TNFAIP6: variants seen among roughly 807,000 people sequenced by gnomAD.
TNFAIP6 encodes the protein tumor necrosis factor-inducible gene 6 protein.
A neutral mutation model predicts 33.7 loss-of-function variants in TNFAIP6; 36 were observed. The ratio of observed to expected loss-of-function variants is 1.07; its 90% CI spans 0.82 to 1.41. The LOEUF is 1.41. Ranked by LOEUF, TNFAIP6 falls within the 40% of genes most tolerant of loss-of-function variation. TNFAIP6 has a pLI of 0.00. For synonymous variants in TNFAIP6, 113 were observed against 112.8 expected, an observed-to-expected ratio of 1.00 and a Z score of -0.01; for missense variants, 273 against 331.9, an observed-to-expected ratio of 0.82 and a Z score of 1.38.
At chr2:151,380,583 C>A (rs1382237963), downstream of TNFAIP6, among the ~76,000 whole-genome samples, 2 of 152,130 alleles carry the variant, frequency 1.3e-5, no homozygotes, top group Non-Finnish European at 2.9e-5. Flanking sequence ...ATGAGCTGAG[C>A]AGAGGACGTT....
rs1684851210 is a variant in TNFAIP6 at position 151,373,559 on chromosome 2, GATGAGCTTCCAGATGACATC to G, written c.637_656del (p.Glu213GlnfsTer13). On this transcript the variant is annotated frameshift_variant, in exon 5 of 6. Coordinates refer to ENST00000243347, the MANE Select transcript of TNFAIP6 (RefSeq NM_007115.4). LOFTEE classifies it high-confidence loss of function. ...AAAATTCCTTTTCAGATACTGTGGA[GATGAGCTTCCAGATGACATC>G]ATCAGTACAGGTAAGGTTTTAAATT... is the stretch of plus-strand genomic sequence containing the variant. The G allele has an allele frequency of 6.4e-7, 1 of 1,552,132 alleles. No individual in the cohort carries two copies.
At chr2:151,368,968 C>G (rs1052106975) in intron 3 of TNFAIP6, among the ~76,000 whole-genome samples, 1 of 152,096 alleles carries the variant, frequency 6.6e-6, no homozygotes, top group Non-Finnish European at 1.5e-5. Flanking sequence ...TGAGGTGGGT[C>G]GATCACCAGA....
intron 5 of TNFAIP6, among the ~76,000 whole-genome samples, chr2:151,376,993 A>G (rs1174644026): frequency 1.4e-5 from 2 of 147,864 alleles, no homozygotes; most frequent in Admixed American, 1.4e-4. Context: ...TTTCCCGCAC[A>G]AGGCTAATTT....
At chr2:151,371,395 A>G (rs1684812834) in intron 4 of TNFAIP6, among the ~76,000 whole-genome samples, 1 of 152,192 alleles carries the variant, frequency 6.6e-6, no homozygotes, top group Admixed American at 6.5e-5. Flanking sequence ...TCAATTCTCT[A>G]TTATACATGA....
At chr2:151,367,614 C>A (rs1359356705) in intron 3 of TNFAIP6, among the ~76,000 whole-genome samples, 1 of 152,048 alleles carries the variant, frequency 6.6e-6, no homozygotes, top group Admixed American at 6.6e-5. Flanking sequence ...TATTTCATTG[C>A]CCTTTCATAA....
At chr2:151,375,995 T>C (rs535824737) in intron 5 of TNFAIP6, among the ~76,000 whole-genome samples, 1 of 152,174 alleles carries the variant, frequency 6.6e-6, no homozygotes, top group South Asian at 2.1e-4. Flanking sequence ...CCTGTAATTC[T>C]AGCATTTTGT....
intron 3 of TNFAIP6, among the ~76,000 whole-genome samples, chr2:151,367,480 C>T (rs1558899216): frequency 2.0e-5 from 3 of 151,964 alleles, no homozygotes; most frequent in African/African-American, 7.2e-5. Context: ...CTCTTCTTTT[C>T]AAATGTATTC....
intron 1 of TNFAIP6, among the ~76,000 whole-genome samples, chr2:151,360,530 TA>T (rs1214013160): frequency 3.9e-5 from 6 of 152,216 alleles, no homozygotes; most frequent in Non-Finnish European, 8.8e-5. Flanking sequence ...ATTGACTAGA[TA>T]AATTAATAAA....
intron 4 of TNFAIP6, chr2:151,372,141 G>GT (rs1290573854): frequency 6.6e-6 from 1 of 152,220 alleles, no homozygotes; most frequent in African/African-American, 2.4e-5. Flanking sequence ...CCTCTCAGGA[G>GT]TAGGGTACCA....
At position 151,379,638 on chromosome 2, in the gene TNFAIP6, A is replaced by C. The variant is rs1573789044; in HGVS notation, c.*105A>C. On this transcript the variant is annotated 3_prime_UTR_variant, in exon 6 of 6. Transcript: ENST00000243347. ...TAACATTTATTTATTATTTTTCTAAATGTGAAAGCAATACATAATTTAGGG... is the reference window on the plus strand; with the variant it reads ...TAACATTTATTTATTATTTTTCTAACTGTGAAAGCAATACATAATTTAGGG... The C allele has an allele frequency of 3.4e-6, 3 of 890,784 alleles. No individual in the cohort carries two copies. The East Asian group carries it at 9.9e-5, about 29-fold the overall frequency. The allele number at this position is 890,784 out of a possible 1,614,324, so 55.2% of individuals were successfully genotyped here.
intron 5 of TNFAIP6, among the ~76,000 whole-genome samples, chr2:151,379,010 G>C (rs1165600349): frequency 6.6e-6 from 1 of 152,056 alleles, no homozygotes; most frequent in Non-Finnish European, 1.5e-5. Context: ...TGAGGCAGGA[G>C]AATCGCTTGA....
intron 1 of TNFAIP6, among the ~76,000 whole-genome samples, chr2:151,363,530 C>T (rs1684663558): frequency 1.3e-5 from 2 of 149,428 alleles, no homozygotes; most frequent in Admixed American, 1.3e-4. Context: ...GGCGTGATGG[C>T]GGGCACCTGT....
intron 1 of TNFAIP6, among the ~76,000 whole-genome samples, chr2:151,359,592 G>A (rs191680858): frequency 6.6e-6 from 1 of 152,098 alleles, no homozygotes; most frequent in African/African-American, 2.4e-5. Flanking sequence ...GTTTCACCAT[G>A]TTAGCCAGGG....
chr2:151,360,499 T>G (rs894635591), intron 1 of TNFAIP6, among the ~76,000 whole-genome samples: 2 of 152,172 alleles, frequency 1.3e-5, no homozygotes, highest in African/African-American at 4.8e-5. Flanking sequence ...TTAAACAAAT[T>G]TTCAGTTTTA....
chr2:151,379,041 G>T (rs1036325542), intron 5 of TNFAIP6, among the ~76,000 whole-genome samples: 1 of 151,944 alleles, frequency 6.6e-6, no homozygotes, highest in African/African-American at 2.4e-5. Flanking sequence ...CGGAGGTTGC[G>T]GTGAGCCGAG....
At chr2:151,376,254 T>A (rs1190063286) in intron 5 of TNFAIP6, among the ~76,000 whole-genome samples, 1 of 151,372 alleles carries the variant, frequency 6.6e-6, no homozygotes, top group African/African-American at 2.4e-5. Flanking sequence ...TCAAAAAAAA[T>A]TTAAAAATAC....
intron 5 of TNFAIP6, among the ~76,000 whole-genome samples, chr2:151,378,514 G>C (rs1212462041): frequency 1.3e-5 from 2 of 150,004 alleles, no homozygotes; most frequent in Admixed American, 6.6e-5. Context: ...TTGAGACGGA[G>C]TTTTGCTCTT....
At chr2:151,364,988 T>G (rs1308509183) in intron 2 of TNFAIP6, among the ~76,000 whole-genome samples, 1 of 152,140 alleles carries the variant, frequency 6.6e-6, no homozygotes, top group East Asian at 1.9e-4. Flanking sequence ...CCTCTGAGGC[T>G]GAGCAAAGGA....
chr2:151,370,141 T>C lies in TNFAIP6; in HGVS notation c.516T>C (p.Arg172=). The change falls in exon 4 of 6, where the codon CGT becomes CGC. Residue 172 remains arginine (R), a synonymous_variant. Coordinates refer to ENST00000243347, the MANE Select transcript of TNFAIP6 (RefSeq NM_007115.4). ...ACATTAGACTCAAGTATGGTCAGCG[T>C]ATTCACCTGAGTTTTTTAGATTTTG... ...YWHIRLKYGQ[R]IHLSFLDFDL... is the part of the protein sequence containing the mutation. The C allele has an allele frequency of 6.2e-7, 1 of 1,614,160 alleles. No homozygotes were observed. Among genetic ancestry groups the C allele is most frequent in the East Asian group, 2.2e-5 (1 of 44,876 alleles).
Sources: gnomAD v4.1 joint callset for allele counts (sites outside exome capture counted in the v4.1 genomes callset) on GRCh38, gnomAD v4.1.1 for gene constraint, MANE v1.5 for transcripts, NCBI Gene and HGNC (gene_info 2026-07-23, HGNC 2026-07-21) for gene names.